MELTF: variants seen among roughly 807,000 people sequenced by gnomAD.
The protein encoded by MELTF is melanotransferrin.
MELTF carries 67 observed loss-of-function variants against 83.7 expected under a neutral mutation model. The observed-to-expected ratio is 0.80, with a 90% CI of 0.66 to 0.98. MELTF has a LOEUF of 0.98. Ranked by LOEUF, MELTF falls within the 50% of genes least tolerant of loss-of-function variation. MELTF has a pLI of 0.00. For missense variants in MELTF, 1,002 were observed against 1,035.6 expected (o/e 0.97, Z 0.44); for synonymous variants, 462 against 447.6 (o/e 1.03, Z -0.41).
chr3:197,019,205 G>A, intron 6 of MELTF: 1 of 1,003,156 alleles, frequency 1.0e-6, no homozygotes, highest in Non-Finnish European at 1.2e-6. Context: ...CAACTTTCCT[G>A]TTTTTCGGCG....
Position 197,016,372 on chromosome 3 carries a change from G to A in MELTF, c.901-3C>T. The A allele has an allele frequency of 1.3e-6, 2 of 1,579,490 alleles. No homozygotes were observed. The highest frequency in any genetic ancestry group is 2.7e-5 in the African/African-American group (2 of 73,730). On this transcript the variant is annotated splice_region_variant and splice_polypyrimidine_tract_variant and intron_variant, in intron 7 of 15. Transcript: ENST00000296350. ...CTGCCCTCGTGGCTGAACAGACGCT[G>A]TGTGTCAAGGGGTGTGGTACAGGGT...
chr3:197,009,105 C>A, intron 11 of MELTF, 140 bp from the exon 12 acceptor site: 2 of 955,718 alleles, frequency 2.1e-6, no homozygotes, highest in Non-Finnish European at 3.1e-6. Flanking sequence ...CTCCCCTCAG[C>A]TCTGAGTGGA....
intron 8 of MELTF, 141 bp downstream of exon 8, chr3:197,016,048 G>C (rs552925652): frequency 1.4e-6 from 1 of 703,200 alleles, no homozygotes; most frequent in East Asian, 3.2e-5. Flanking sequence ...CAAAGCCCCA[G>C]GGGCAGAGGA....
intron 6 of MELTF, chr3:197,019,834 A>G (rs760814003): frequency 1.3e-6 from 2 of 1,538,470 alleles, no homozygotes; most frequent in Non-Finnish European, 1.8e-6. Context: ...ATAACAGCAA[A>G]GAATGACAAT....
chr3:197,024,157 CA>C lies in MELTF; in HGVS notation c.487+145del. 1.3e-6 allele frequency: 1 copy of C among 782,014 alleles called. No homozygotes were observed. The highest frequency in any genetic ancestry group is 3.3e-5 in the Admixed American group (1 of 30,250). 48.4% of individuals were successfully genotyped at this position (782,014 alleles called of 1,614,324 possible). ...GGCGGCAGAGTGGAGGCGGGGGAGG[CA>C]CGGGGCGGGCGGGGGCTGCTGCGCC... On this transcript the variant is annotated intron_variant, in intron 4 of 15. Transcript: ENST00000296350. The surrounding 1 kb of genome is among the most constrained non-coding windows in gnomAD (Gnocchi z 5.3).
At position 197,024,010 on chromosome 3, in the gene MELTF, T is replaced by G; in HGVS notation, c.487+293A>C. On this transcript the variant is annotated intron_variant, in intron 4 of 15. Transcript: ENST00000296350. This position sits in a 1 kb window ranked among gnomAD's most constrained non-coding sequence, Gnocchi z 5.3. Reference sequence around the variant, plus strand: ...ACTGGTGGGAAGCACTCCTGGGAGATTCACTGCTTCCCACTCATGGGCTGG... The same window carrying G: ...ACTGGTGGGAAGCACTCCTGGGAGAGTCACTGCTTCCCACTCATGGGCTGG... 2 of 622,840 alleles carry G rather than the reference T, an allele frequency of 3.2e-6. No homozygotes were observed. Among genetic ancestry groups the G allele is most frequent in the Non-Finnish European group, 6.0e-6 (2 of 333,358 alleles). The allele number at this position is 622,840 out of a possible 1,614,324, so 38.6% of individuals were successfully genotyped here. A position where few individuals can be genotyped will look rare whatever the true frequency, so the allele number is the denominator to read the frequency against.
rs1314114564 is a variant in MELTF, at chr3:197,029,621, C to A, written c.49+33G>T. The A allele has an allele frequency of 1.6e-6, 2 of 1,240,068 alleles. No individual in the cohort carries two copies. Among genetic ancestry groups the A allele is most frequent in the South Asian group, 3.6e-5 (1 of 27,418 alleles). The allele number at this position is 1,240,068 out of a possible 1,614,324, so 76.8% of individuals were successfully genotyped here. ...CCGGGCCGCGGCGCCCCGGGACCCC[C>A]GCCCGCCTTTGGCTCTCACAGCGGG... is the stretch of plus-strand genomic sequence containing the variant. On this transcript the variant is annotated intron_variant, in intron 1 of 15. Coordinates refer to ENST00000296350, the MANE Select transcript of MELTF (RefSeq NM_005929.6). The surrounding 1 kb of genome is among the most constrained non-coding windows in gnomAD (Gnocchi z 6.5).
intron 6 of MELTF, chr3:197,019,940 T>C (rs1260302207): frequency 1.6e-6 from 2 of 1,269,844 alleles, no homozygotes; most frequent in African/African-American, 1.5e-5. Context: ...TGCGGGGAGA[T>C]AACTAGCAGG....
In MELTF at chr3:197,024,209, G is replaced by A; in HGVS notation, c.487+94C>T. The A allele has an allele frequency of 1.5e-6, 2 of 1,351,606 alleles. No homozygotes were observed. The highest frequency in any genetic ancestry group is 2.0e-6 in the Non-Finnish European group (2 of 989,740). 83.7% of individuals were successfully genotyped at this position (1,351,606 alleles called of 1,614,324 possible). ...TTCCAGGAATGAAGAATGGTGGCGA[G>A]GCCGGAGGGAGGCTACCCAGTGAAG... On this transcript the variant is annotated intron_variant, in intron 4 of 15. Transcript: ENST00000296350. The surrounding 1 kb of genome is among the most constrained non-coding windows in gnomAD (Gnocchi z 5.3).
At chr3:197,018,507 C>G (rs1183470846) in intron 6 of MELTF, among the ~76,000 whole-genome samples, 1 of 151,838 alleles carries the variant, frequency 6.6e-6, no homozygotes, top group Non-Finnish European at 1.5e-5. Context: ...AGTGCAGTGG[C>G]ATGATCTTGG....
intron 10 of MELTF, 57 bp from the exon 11 acceptor site, chr3:197,009,869 C>T: frequency 1.3e-6 from 2 of 1,494,470 alleles, no homozygotes; most frequent in Admixed American, 1.7e-5. Flanking sequence ...GGGCAAGTGC[C>T]TGGGGGGGTC....
chr3:197,019,562 AC>A, intron 6 of MELTF: 1 of 1,573,164 alleles, frequency 6.4e-7, no homozygotes, highest in South Asian at 1.1e-5. Context: ...ACATGGTGAG[AC>A]CCCCATCTCA....
intron 6 of MELTF, among the ~76,000 whole-genome samples, chr3:197,018,440 C>T (rs1249066559): frequency 1.3e-5 from 2 of 150,734 alleles, no homozygotes; most frequent in African/African-American, 4.9e-5. Flanking sequence ...CGTGAGCCTC[C>T]ACACCTGGCC....
rs200232424 is a variant in MELTF, at chr3:197,027,777, G to T, written c.183C>A (p.Asp61Glu). 6.2e-6 allele frequency: 10 copies of T among 1,610,710 alleles called. No homozygotes were observed. The highest frequency in any genetic ancestry group is 1.7e-5 in the Admixed American group (1 of 59,852). Residue 61 changes from aspartate (D) to glutamate (E), a missense_variant, in exon 2 of 16, where the codon GAC becomes GAA. Transcript: ENST00000296350. ...TCACCGCGATGAGCTGGACGCAGTG[G>T]TCGGCGGAGGTGCCCCGGACGCAGA... The part of the protein sequence containing the change: ...SLLCVRGTSA[D>E]HCVQLIAAQE...
At chr3:197,019,723 C>T (rs760051542) in intron 6 of MELTF, 2 of 1,612,808 alleles carry the variant, frequency 1.2e-6, no homozygotes, top group South Asian at 2.2e-5. Flanking sequence ...GCGCATCGTC[C>T]TACGTGCTTC....
chr3:197,024,426 C>T lies in MELTF; in HGVS notation c.364G>A (p.Asp122Asn), dbSNP rs1719767474. The change falls in exon 4 of 16, where the codon GAC becomes AAC. Residue 122 changes from aspartate to asparagine, a missense_variant. Transcript: ENST00000296350. The surrounding 1 kb of genome is among the most constrained non-coding windows in gnomAD (Gnocchi z 5.3). ...VVRRSSHVTIDTLKGVKSCHT... is the reference protein window; with the variant it reads ...VVRRSSHVTINTLKGVKSCHT... ...CAGGACTTCACGCCTTTCAGGGTGT[C>T]AATGGTCACATGGGAGCTCCTCCTG... 1 of 1,610,278 alleles carries T rather than the reference C, an allele frequency of 6.2e-7. No homozygotes were observed.
At chr3:197,026,498 C>T (rs1719860082) in intron 3 of MELTF, 162 bp downstream of exon 3, 2 of 631,084 alleles carry the variant, frequency 3.2e-6, no homozygotes, top group East Asian at 5.5e-5. Flanking sequence ...GCTCCTGTCC[C>T]TGGGGAATTT....
Position 197,024,286 on chromosome 3 carries a change from C to T in MELTF, c.487+17G>A. 6.5e-7 allele frequency: 1 copy of T among 1,540,828 alleles called. No individual in the cohort carries two copies. The highest frequency in any genetic ancestry group is 2.3e-5 in the East Asian group (1 of 43,978). On this transcript the variant is annotated intron_variant, in intron 4 of 15. Coordinates refer to ENST00000296350, the MANE Select transcript of MELTF (RefSeq NM_005929.6). The surrounding 1 kb of genome is among the most constrained non-coding windows in gnomAD (Gnocchi z 5.3). ...GGGGAGGCCTGGGGACCCTCCTGCC[C>T]AGCCCAAAGCCCTCACCTTTGAGTA...
chr3:197,017,257 A>G lies in MELTF; in HGVS notation c.746T>C (p.Leu249Pro), dbSNP rs747923676. ...KTLPSWGQALLSQDFELLCRD... is the reference protein window; with the variant it reads ...KTLPSWGQALPSQDFELLCRD... The stretch of plus-strand genomic sequence containing the variant: ...GCACAGCAGCTCGAAGTCCTGTGAC[A>G]GCAGGGCCTGGCCCCAGGAGGGAAG... The change falls in exon 7 of 16, where the codon CTG becomes CCG. Residue 249 changes from leucine to proline, a missense_variant. Leu to Pro is a moderately conservative substitution (Grantham distance 98, BLOSUM62 -3). Transcript: ENST00000296350. 133 of 1,579,230 alleles carry G rather than the reference A, an allele frequency of 8.4e-5. 1 individual carries two copies. The highest frequency in any genetic ancestry group is 1.1e-4 in the Non-Finnish European group (130 of 1,163,280).
Sources: gnomAD v4.1 joint callset for allele counts (sites outside exome capture counted in the v4.1 genomes callset) on GRCh38, gnomAD v4.1.1 for gene constraint, Gnocchi (gnomAD v3.1) non-coding constraint, MANE v1.5 for transcripts, NCBI Gene and HGNC (gene_info 2026-07-23, HGNC 2026-07-21) for gene names.